The following SOX6 variants were observed in gnomAD, a reference collection of about 807,000 sequenced individuals.
SOX6 encodes transcription factor SOX-6.
Under a neutral mutation model 97.8 loss-of-function variants are expected in SOX6, and 11 were observed. The ratio of observed to expected loss-of-function variants is 0.11; its 90% confidence interval spans 0.07 to 0.19. SOX6 has a LOEUF of 0.19. Ranked by LOEUF, SOX6 falls within the 10% of genes least tolerant of loss-of-function variation. SOX6 has a pLI of 1.00. For missense variants in SOX6, 810 were observed against 1,039.5 expected, an observed-to-expected ratio of 0.78 and a Z score of 3.04; for synonymous variants, 360 against 371.4, an observed-to-expected ratio of 0.97 and a Z score of 0.35.
At chr11:16,588,009 C>A (rs560477133) in intron 4 of SOX6, among the ~76,000 whole-genome samples, 18 of 152,296 alleles carry the variant, frequency 1.2e-4, no homozygotes, top group African/African-American at 4.3e-4. Context: ...GGTTAGAAAG[C>A]AAGAGCACTC....
At chr11:16,373,878 A>T (rs1857571021) in intron 1 of SOX6, among the ~76,000 whole-genome samples, 2 of 11,250 alleles carry the variant, frequency 1.8e-4, no homozygotes, top group African/African-American at 5.0e-4. Flanking sequence ...GAAGGAAGGA[A>T]GGAAGGAAGG....
chr11:16,463,373 GC>G (rs1859968776), intron 1 of SOX6, among the ~76,000 whole-genome samples: 1 of 152,072 alleles, frequency 6.6e-6, no homozygotes, highest in Non-Finnish European at 1.5e-5. Flanking sequence ...CCCTGACAGA[GC>G]TTTTAGACTA....
rs35710330 is a variant in SOX6 at position 16,280,377 on chromosome 11, C to CT, written c.445+38068dup. Among the ~76,000 whole-genome samples the CT allele has an allele frequency of 3.4e-3, 501 of 147,730 alleles. 4 individuals are homozygous for CT. The East Asian group carries it at 0.039, about 12-fold the overall frequency. On this transcript the variant is annotated intron_variant, in intron 3 of 15. Coordinates refer to ENST00000683767, the MANE Select transcript of SOX6 (RefSeq NM_001367873.1). ...AGAAAGTTATAATACTTTATTTGAGCTTTTTTTTTTTTTATAGAAACCGTA... is the reference window on the plus strand; with the variant it reads ...AGAAAGTTATAATACTTTATTTGAGCTTTTTTTTTTTTTTATAGAAACCGTA...
intron 9 of SOX6, among the ~76,000 whole-genome samples, chr11:16,073,434 C>T (rs1232271004): frequency 6.6e-6 from 1 of 152,120 alleles, no homozygotes; most frequent in East Asian, 1.9e-4. Context: ...CACAGGAAAA[C>T]TCAGATTCAT....
At chr11:16,339,367 C>T (rs1276764204) in intron 2 of SOX6, among the ~76,000 whole-genome samples, 1 of 152,006 alleles carries the variant, frequency 6.6e-6, no homozygotes, top group Non-Finnish European at 1.5e-5. Flanking sequence ...TCATAACTCT[C>T]CAGCGACGAA....
chr11:16,237,266 G>A (rs577498866), intron 3 of SOX6, among the ~76,000 whole-genome samples: 3 of 152,088 alleles, frequency 2.0e-5, no homozygotes, highest in African/African-American at 7.2e-5. Flanking sequence ...TATAAAGTAA[G>A]TAGGATGATA....
chr11:16,082,455 T>C (rs1021073067), intron 9 of SOX6, among the ~76,000 whole-genome samples: 2 of 152,216 alleles, frequency 1.3e-5, no homozygotes, highest in Admixed American at 6.5e-5. Flanking sequence ...TGAAATACAG[T>C]ATCAAGGCCC....
At chr11:16,531,919 C>A (rs772168982) in intron 4 of SOX6, among the ~76,000 whole-genome samples, 1 of 151,816 alleles carries the variant, frequency 6.6e-6, no homozygotes, top group African/African-American at 2.4e-5. Flanking sequence ...TCCAATATTT[C>A]TTCTGATTTT....
intron 3 of SOX6, among the ~76,000 whole-genome samples, chr11:16,646,828 A>G (rs917836000): frequency 2.6e-5 from 4 of 152,192 alleles, no homozygotes; most frequent in South Asian, 2.1e-4. Context: ...GCAATTGCCA[A>G]TCATGCTGCT....
chr11:16,033,862 A>C (rs1252656091), intron 12 of SOX6, among the ~76,000 whole-genome samples: 1 of 152,124 alleles, frequency 6.6e-6, no homozygotes, highest in Non-Finnish European at 1.5e-5. Flanking sequence ...ACAAGAACGA[A>C]ACTCTGTCTC....
chr11:16,521,697 C>T (rs11023976), intron 4 of SOX6, among the ~76,000 whole-genome samples: 37,576 of 151,988 alleles, frequency 0.25, 5,151 homozygotes, highest in East Asian at 0.48. Flanking sequence ...CAGGAGGAAA[C>T]TCAAACCAAA....
At chr11:16,284,620 GC>G (rs1854677965) in intron 3 of SOX6, among the ~76,000 whole-genome samples, 2 of 152,054 alleles carry the variant, frequency 1.3e-5, no homozygotes, top group East Asian at 1.9e-4. Flanking sequence ...CAAACACGGT[GC>G]CCTTCCCTGG....
intron 1 of SOX6, among the ~76,000 whole-genome samples, chr11:16,423,139 T>C (rs1228780839): frequency 6.6e-6 from 1 of 152,206 alleles, no homozygotes; most frequent in Non-Finnish European, 1.5e-5. Flanking sequence ...TCCCTTTTAT[T>C]CACCCATTTG....
At chr11:16,165,813 G>A (rs577967920) in intron 6 of SOX6, among the ~76,000 whole-genome samples, 82 of 151,782 alleles carry the variant, frequency 5.4e-4, no homozygotes, top group Middle Eastern at 6.8e-3. Flanking sequence ...CATGAGAATC[G>A]CTTGAACCTG....
At chr11:15,992,294 G>A (rs914799113) in intron 13 of SOX6, among the ~76,000 whole-genome samples, 2 of 152,164 alleles carry the variant, frequency 1.3e-5, no homozygotes, top group African/African-American at 4.8e-5. Flanking sequence ...TACCCAGGGA[G>A]GCCAACATTT....
At chr11:16,632,267 C>A (rs186920776) in intron 3 of SOX6, among the ~76,000 whole-genome samples, 157 of 152,176 alleles carry the variant, frequency 1.0e-3, no homozygotes, top group Non-Finnish European at 1.8e-3. Flanking sequence ...TTTTTCCCTA[C>A]ATTACTGGGG....
chr11:16,627,034 T>G (rs897173121), intron 3 of SOX6, among the ~76,000 whole-genome samples: 4 of 152,216 alleles, frequency 2.6e-5, no homozygotes, highest in Non-Finnish European at 5.9e-5. Flanking sequence ...ACATGTGTAC[T>G]CAATATTTAA....
chr11:16,170,651 C>T (rs1481792427), intron 6 of SOX6, among the ~76,000 whole-genome samples: 1 of 151,988 alleles, frequency 6.6e-6, no homozygotes, highest in Non-Finnish European at 1.5e-5. Context: ...TCTTCAAATT[C>T]AATACATTTT....
intron 3 of SOX6, among the ~76,000 whole-genome samples, chr11:16,651,041 C>G (rs187864769): frequency 1.3e-5 from 2 of 152,096 alleles, no homozygotes; most frequent in East Asian, 1.9e-4. Flanking sequence ...GGATAAATTC[C>G]TGGAAATATA....
Sources: allele counts gnomAD v4.1 joint callset (sites outside exome capture counted in the v4.1 genomes callset), GRCh38; gene constraint gnomAD v4.1.1; transcripts MANE v1.5; gene names NCBI Gene and HGNC (gene_info 2026-07-23, HGNC 2026-07-21).